STPG2: variants seen among roughly 807,000 people sequenced by gnomAD.
The protein encoded by STPG2 is sperm tail PG-rich repeat containing 2, also known as sperm-tail PG-rich repeat-containing protein 2.
STPG2 carries 56 observed loss-of-function variants against 54.2 expected under a neutral mutation model. That is an observed-to-expected ratio of 1.03 (90% CI 0.83 to 1.29). The LOEUF (loss-of-function observed/expected upper bound fraction) is 1.29, where lower values mean the gene tolerates loss of function less well. Among genes scored for constraint, STPG2 ranks in the 50% most tolerant of loss-of-function variants. STPG2 has a pLI of 0.00. For missense variants in STPG2, 596 were observed against 544.9 expected, an observed-to-expected ratio of 1.09 and a Z score of -0.93; for synonymous variants, 200 against 181.8, an observed-to-expected ratio of 1.10 and a Z score of -0.81.
intron 4 of STPG2, among the ~76,000 whole-genome samples, chr4:97,442,382 G>A (rs772202630): frequency 6.6e-6 from 1 of 152,028 alleles, no homozygotes. Flanking sequence ...AGTTGGTGTA[G>A]TAGCTCAGCC....
At chr4:98,064,670 CCTT>C (rs750489708) in intron 5 of STPG2, among the ~76,000 whole-genome samples, 44 of 152,212 alleles carry the variant, frequency 2.9e-4, no homozygotes, top group Admixed American at 9.2e-4. Flanking sequence ...ACCTGGCAGA[CCTT>C]CTTCAAGAAA....
chr4:97,519,273 A>T (rs1431433793), intron 4 of STPG2, among the ~76,000 whole-genome samples: 2 of 152,024 alleles, frequency 1.3e-5, no homozygotes, highest in Non-Finnish European at 2.9e-5. Context: ...AGATGGTGGG[A>T]AGGGTGCTTA....
At chr4:97,617,546 G>C (rs1348966065) in intron 10 of STPG2, among the ~76,000 whole-genome samples, 4 of 152,106 alleles carry the variant, frequency 2.6e-5, no homozygotes, top group African/African-American at 9.7e-5. Context: ...GGCGTTAGTA[G>C]GTTTGACAGA....
rs138937889 is a variant in STPG2, at chr4:97,884,658, C to T, written c.1045-43726G>A. Among the ~76,000 whole-genome samples the T allele has an allele frequency of 2.3e-3, 354 of 152,050 alleles. 1 individual carries two copies. Among genetic ancestry groups the T allele is most frequent in the Middle Eastern group, 0.014 (4 of 294 alleles). On this transcript the variant is annotated intron_variant, in intron 8 of 10. Coordinates refer to ENST00000295268, the MANE Select transcript of STPG2 (RefSeq NM_174952.3). ...CTAGCAAACTAATACACAAACAAAG[C>T]TTCATTTTAGGACATAGCTCTACAT...
chr4:98,025,840 A>T (rs1736402181), intron 5 of STPG2: 1 of 1,596,958 alleles, frequency 6.3e-7, no homozygotes, highest in Non-Finnish European at 8.5e-7. Flanking sequence ...GCCTTGCCAG[A>T]ACTACCACTG....
Position 97,712,664 on chromosome 4 carries a change from C to A in STPG2, c.1320+35G>T, listed in dbSNP as rs375069302. 1.4e-4 allele frequency: 197 copies of A among 1,413,038 alleles called. 1 individual carries two copies. The African/African-American group carries it at 2.7e-3, about 19-fold the overall frequency. 87.5% of individuals were successfully genotyped at this position (1,413,038 alleles called of 1,614,324 possible). A position where few individuals can be genotyped will look rare whatever the true frequency, so the allele number is the denominator to read the frequency against. Reference sequence around the variant, plus strand: ...GTACTTTCTGGAAATTAATTCTATTCTTGTGTCACTGTTAAGAAGGAAATA... The same window carrying A: ...GTACTTTCTGGAAATTAATTCTATTATTGTGTCACTGTTAAGAAGGAAATA... On this transcript the variant is annotated intron_variant, in intron 10 of 10. Coordinates refer to ENST00000295268, the MANE Select transcript of STPG2 (RefSeq NM_174952.3).
rs1241766044 is a variant in STPG2 at position 98,054,324 on chromosome 4, A to G, written c.612+51629T>C. Among the ~76,000 whole-genome samples the G allele has an allele frequency of 6.6e-5, 10 of 152,176 alleles. No homozygotes were observed. In the South Asian group the frequency reaches 1.0e-3, roughly 16 times the overall value. On this transcript the variant is annotated intron_variant, in intron 5 of 10. Coordinates refer to ENST00000295268, the MANE Select transcript of STPG2 (RefSeq NM_174952.3). ...TTTAATTTTGCAATTTACATTTTTTACAATTTACTCCAAAGAATCAAAATA... is the reference window on the plus strand; with the variant it reads ...TTTAATTTTGCAATTTACATTTTTTGCAATTTACTCCAAAGAATCAAAATA...
intron 10 of STPG2, among the ~76,000 whole-genome samples, chr4:97,617,138 G>GTT (rs944861057): frequency 1.3e-5 from 2 of 151,734 alleles, no homozygotes; most frequent in African/African-American, 4.8e-5. Flanking sequence ...AAGTGTGTGT[G>GTT]TGTGTGTGTG....
chr4:97,703,771 T>C (rs902629963), intron 10 of STPG2, among the ~76,000 whole-genome samples: 1 of 147,024 alleles, frequency 6.8e-6, no homozygotes. Context: ...TAGCATAGTA[T>C]ATTTGTGTGT....
intron 7 of STPG2, among the ~76,000 whole-genome samples, chr4:97,950,758 T>C (rs1464868843): frequency 6.6e-6 from 1 of 152,226 alleles, no homozygotes; most frequent in East Asian, 1.9e-4. Flanking sequence ...TGGGAAAACT[T>C]AGTTTATAGT....
intron 5 of STPG2, among the ~76,000 whole-genome samples, chr4:98,044,144 T>C (rs1405767): frequency 0.39 from 59,949 of 152,044 alleles, 12,054 homozygotes; most frequent in Middle Eastern, 0.46. Flanking sequence ...GTTATGTATA[T>C]ATTAGCATAA....
intron 8 of STPG2, among the ~76,000 whole-genome samples, chr4:97,940,100 TTTTC>T (rs1732918150): frequency 6.6e-6 from 1 of 152,180 alleles, no homozygotes; most frequent in Non-Finnish European, 1.5e-5. Flanking sequence ...GTTGAAGATT[TTTTC>T]TTTAAGAAAG....
intron 10 of STPG2, among the ~76,000 whole-genome samples, chr4:97,709,658 A>G (rs1397261938): frequency 6.6e-6 from 1 of 151,770 alleles, no homozygotes; most frequent in Non-Finnish European, 1.5e-5. Flanking sequence ...TCACTGTATA[A>G]TTTAAATTTC....
intron 4 of STPG2, among the ~76,000 whole-genome samples, chr4:97,471,345 G>A (rs1484223999): frequency 1.3e-5 from 2 of 152,058 alleles, no homozygotes; most frequent in Non-Finnish European, 2.9e-5. Context: ...TTATCACAGA[G>A]TTTAAACTGT....
At chr4:97,865,617 C>G (rs1004325993) in intron 8 of STPG2, among the ~76,000 whole-genome samples, 2 of 151,482 alleles carry the variant, frequency 1.3e-5, no homozygotes, top group African/African-American at 4.8e-5. Flanking sequence ...AACCAAACAC[C>G]ACATATTCTC....
intron 4 of STPG2, among the ~76,000 whole-genome samples, chr4:97,469,272 G>T (rs1578323144): frequency 6.6e-6 from 1 of 152,072 alleles, no homozygotes; most frequent in South Asian, 2.1e-4. Flanking sequence ...ATACATTAAA[G>T]AACTGAGTTC....
intron 4 of STPG2, among the ~76,000 whole-genome samples, chr4:97,497,403 G>A (rs565562390): frequency 1.3e-5 from 2 of 151,774 alleles, no homozygotes; most frequent in African/African-American, 4.8e-5. Context: ...CTTCAGTTAA[G>A]TTCTAGTATG....
intron 1 of STPG2, among the ~76,000 whole-genome samples, chr4:98,142,523 CT>C (rs1186683286): frequency 6.6e-6 from 1 of 151,018 alleles, no homozygotes; most frequent in Non-Finnish European, 1.5e-5. Context: ...AGGGGCTCCC[CT>C]GAAGTGTGTT....
At chr4:97,783,343 A>T (rs180779418) in intron 9 of STPG2, among the ~76,000 whole-genome samples, 1 of 152,356 alleles carries the variant, frequency 6.6e-6, no homozygotes, top group African/African-American at 2.4e-5. Context: ...ATCACTGGCC[A>T]TCAGAGAAAT....
Sources: gnomAD v4.1 joint callset for allele counts (sites outside exome capture counted in the v4.1 genomes callset) on GRCh38, gnomAD v4.1.1 for gene constraint, MANE v1.5 for transcripts, NCBI Gene and HGNC (gene_info 2026-07-23, HGNC 2026-07-21) for gene names.